The following EYS variants were observed in gnomAD, a reference collection of about 807,000 sequenced individuals.
EYS encodes the protein EGF-like photoreceptor maintenance factor.
EYS carries 250 observed loss-of-function variants against 282.1 expected under a neutral mutation model. The observed-to-expected ratio is 0.89, with a 90% confidence interval of 0.80 to 0.98. The LOEUF is 0.98. Ranked by LOEUF, EYS falls within the 50% of genes least tolerant of loss-of-function variation. EYS has a pLI of 0.00. For synonymous variants in EYS, 1,355 were observed against 1,282.9 expected, an observed-to-expected ratio of 1.06 and a Z score of -1.20; for missense variants, 4,016 against 3,709.0, an observed-to-expected ratio of 1.08 and a Z score of -2.15.
intron 26 of EYS, among the ~76,000 whole-genome samples, chr6:64,526,376 T>TA (rs1777920818): frequency 6.6e-6 from 1 of 151,868 alleles, no homozygotes; most frequent in Non-Finnish European, 1.5e-5. Flanking sequence ...TATCATCTCT[T>TA]ACAATTGTGT....
chr6:63,959,260 A>G (rs1213998543), intron 35 of EYS, among the ~76,000 whole-genome samples: 8 of 152,238 alleles, frequency 5.3e-5, no homozygotes, highest in Non-Finnish European at 1.2e-4. Context: ...AACATGAAAA[A>G]AAGTTCAACA....
intron 26 of EYS, among the ~76,000 whole-genome samples, chr6:64,470,690 T>A (rs901209777): frequency 6.6e-6 from 1 of 152,152 alleles, no homozygotes; most frequent in African/African-American, 2.4e-5. Flanking sequence ...ATATGGCCCA[T>A]GGGCTGCAAG....
At chr6:63,887,206 T>C (rs2149722166) in intron 35 of EYS, among the ~76,000 whole-genome samples, 1 of 152,220 alleles carries the variant, frequency 6.6e-6, no homozygotes, top group Middle Eastern at 3.4e-3. Flanking sequence ...CATGCTACAG[T>C]TTCACTTCTT....
intron 2 of EYS, among the ~76,000 whole-genome samples, chr6:65,634,448 AT>A (rs1240478267): frequency 6.6e-6 from 1 of 151,798 alleles, no homozygotes; most frequent in Non-Finnish European, 1.5e-5. Flanking sequence ...AGGATTCAGC[AT>A]TTTACTCCTT....
intron 12 of EYS, among the ~76,000 whole-genome samples, chr6:65,155,629 C>T (rs1764713400): frequency 6.6e-6 from 1 of 151,400 alleles, no homozygotes; most frequent in South Asian, 2.1e-4. Flanking sequence ...ATTAACTGTC[C>T]TCATTTTTAA....
intron 28 of EYS, among the ~76,000 whole-genome samples, chr6:64,435,146 A>T (rs937423695): frequency 6.6e-6 from 1 of 152,082 alleles, no homozygotes; most frequent in African/African-American, 2.4e-5. Flanking sequence ...GGCACTTTTA[A>T]GTATAGTGAC....
intron 24 of EYS, among the ~76,000 whole-genome samples, chr6:64,600,044 A>G (rs1481194487): frequency 1.3e-5 from 2 of 152,172 alleles, no homozygotes; most frequent in African/African-American, 4.8e-5. Flanking sequence ...TAACATTTGA[A>G]GATAAAATGT....
At chr6:64,691,191 C>T (rs1770369170) in intron 22 of EYS, among the ~76,000 whole-genome samples, 1 of 151,992 alleles carries the variant, frequency 6.6e-6, no homozygotes, top group Admixed American at 6.6e-5. Flanking sequence ...ACGCATGTAA[C>T]ATTAGATTTC....
chr6:63,977,769 C>A (rs1477847940), intron 35 of EYS, among the ~76,000 whole-genome samples: 1 of 151,990 alleles, frequency 6.6e-6, no homozygotes, highest in Non-Finnish European at 1.5e-5. Context: ...ACCATAATGG[C>A]ACCAGCTCAT....
chr6:65,016,303 A>G (rs1044416200), intron 13 of EYS, among the ~76,000 whole-genome samples: 3 of 152,190 alleles, frequency 2.0e-5, no homozygotes, highest in Non-Finnish European at 2.9e-5. Flanking sequence ...CAAGTTCATT[A>G]TGATAAACTT....
At chr6:63,874,331 T>C (rs1352247396) in intron 35 of EYS, among the ~76,000 whole-genome samples, 1 of 152,216 alleles carries the variant, frequency 6.6e-6, no homozygotes, top group East Asian at 1.9e-4. Context: ...TTCTGAGGGC[T>C]CTGTTCTGTT....
chr6:65,494,116 T>C (rs1766142861), intron 4 of EYS, among the ~76,000 whole-genome samples: 1 of 152,156 alleles, frequency 6.6e-6, no homozygotes, highest in Non-Finnish European at 1.5e-5. Flanking sequence ...TATAGATATT[T>C]CACTATTAAA....
At chr6:64,373,347 C>G (rs1772449536) in intron 29 of EYS, among the ~76,000 whole-genome samples, 1 of 152,176 alleles carries the variant, frequency 6.6e-6, no homozygotes, top group African/African-American at 2.4e-5. Context: ...TCTCTGATTA[C>G]TGTCTCCATG....
At position 63,835,259 on chromosome 6, in the gene EYS, G is replaced by GTA. The variant is rs140553460; in HGVS notation, c.7229-28889_7229-28888dup. Among the ~76,000 whole-genome samples the GTA allele has an allele frequency of 1.0e-3, 154 of 149,916 alleles. No individual in the cohort carries two copies. In the Middle Eastern group the frequency reaches 0.014, roughly 14 times the overall value. ...GAAACTGTGGTATGTGTCTGTGTGTGTATATATATATACATATATACTCTC... is the reference window on the plus strand; with the variant it reads ...GAAACTGTGGTATGTGTCTGTGTGTGTATATATATATATACATATATACTCTC... On this transcript the variant is annotated intron_variant, in intron 36 of 42. Coordinates refer to ENST00000503581, the MANE Select transcript of EYS (RefSeq NM_001142800.2).
rs116352975 is a variant in EYS at position 64,410,732 on chromosome 6, C to G, written c.5928-21892G>C. Among the ~76,000 whole-genome samples, 1,114 of 152,162 alleles carry G rather than the reference C, an allele frequency of 7.3e-3. 9 individuals are homozygous for G. The highest frequency in any genetic ancestry group is 0.026 in the African/African-American group (1,069 of 41,520). On this transcript the variant is annotated intron_variant, in intron 28 of 42. Transcript: ENST00000503581. ...ATATGACAAATAAAACACATCAACT[C>G]TAGCCAGAACATTGGCTTGACTGAA...
intron 18 of EYS, among the ~76,000 whole-genome samples, chr6:64,898,135 C>T (rs1004583852): frequency 2.6e-5 from 4 of 151,552 alleles, no homozygotes; most frequent in Non-Finnish European, 4.4e-5. Flanking sequence ...AGAAAAGCAA[C>T]CCCAAGGCAC....
chr6:64,583,689 G>T (rs1270949816), intron 26 of EYS, among the ~76,000 whole-genome samples: 1 of 152,066 alleles, frequency 6.6e-6, no homozygotes, highest in African/African-American at 2.4e-5. Context: ...CAGCTACTCA[G>T]GAGGCTGAGG....
intron 12 of EYS, among the ~76,000 whole-genome samples, chr6:65,211,250 G>A (rs1020950594): frequency 2.0e-5 from 3 of 151,904 alleles, no homozygotes; most frequent in African/African-American, 7.2e-5. Context: ...GGCTTGTGTT[G>A]GTGCTGCTGA....
chr6:64,020,226 G>A (rs76273634), intron 33 of EYS, among the ~76,000 whole-genome samples: 2,116 of 152,152 alleles, frequency 0.014, 55 homozygotes, highest in African/African-American at 0.049. Context: ...CTGAAATGCA[G>A]CCAACACACA....
Sources: allele counts gnomAD v4.1 joint callset (sites outside exome capture counted in the v4.1 genomes callset), GRCh38; gene constraint gnomAD v4.1.1; transcripts MANE v1.5; gene names NCBI Gene and HGNC (gene_info 2026-07-23, HGNC 2026-07-21).